The following KLF12 variants were observed in gnomAD, a reference collection of about 807,000 sequenced individuals.
KLF12 encodes KLF transcription factor 12.
Under a neutral mutation model 37.8 loss-of-function variants are expected in KLF12, and 9 were observed. The ratio of observed to expected loss-of-function variants is 0.24; its 90% CI spans 0.14 to 0.42. The LOEUF is 0.42. Ranked by LOEUF, KLF12 falls within the 10% of genes least tolerant of loss-of-function variation. The pLI is 1.00. For missense variants in KLF12, 411 were observed against 516.0 expected, an observed-to-expected ratio of 0.80 and a Z score of 1.97; for synonymous variants, 208 against 202.1, an observed-to-expected ratio of 1.03 and a Z score of -0.25.
At chr13:74,055,578 T>C (rs1244505782) in intron 1 of KLF12, among the ~76,000 whole-genome samples, 2 of 152,186 alleles carry the variant, frequency 1.3e-5, no homozygotes, top group East Asian at 3.9e-4. Flanking sequence ...ACAGTCAACC[T>C]TCCACAGTGT....
chr13:74,285,720 A>G, the KLF12 span, among the ~76,000 whole-genome samples: 1 of 152,232 alleles, frequency 6.6e-6, no homozygotes, highest in Non-Finnish European at 1.5e-5. Context: ...TTACATGACA[A>G]CATCCCTGAG....
At chr13:73,822,161 T>A (rs915255766) in intron 4 of KLF12, among the ~76,000 whole-genome samples, 12 of 152,228 alleles carry the variant, frequency 7.9e-5, no homozygotes, top group Non-Finnish European at 1.6e-4. Flanking sequence ...TCACATTTCA[T>A]TTAAAAAATT....
intron 1 of KLF12, among the ~76,000 whole-genome samples, chr13:74,129,090 T>C (rs1230787829): frequency 6.6e-6 from 1 of 152,174 alleles, no homozygotes; most frequent in African/African-American, 2.4e-5. Flanking sequence ...CAGGATCCCA[T>C]CCCACAGCAG....
chr13:74,107,537 CGTGT>C (rs774631427), intron 1 of KLF12, among the ~76,000 whole-genome samples: 3 of 152,292 alleles, frequency 2.0e-5, no homozygotes, highest in East Asian at 1.9e-4. Flanking sequence ...TCTCTCTCAC[CGTGT>C]GTGTATTTGT....
At chr13:73,795,664 C>A (rs765816385) in intron 5 of KLF12, among the ~76,000 whole-genome samples, 2 of 152,124 alleles carry the variant, frequency 1.3e-5, no homozygotes, top group Non-Finnish European at 1.5e-5. Flanking sequence ...GTACAGAAAT[C>A]TGAAAAGCAC....
chr13:74,133,743 A>G lies in KLF12; in HGVS notation c.-36T>C, dbSNP rs1878401877. The stretch of plus-strand genomic sequence containing the variant: ...AGAAACGGAATCGGCACAGACCTGA[A>G]CAGAAGCTGCAGAGCAGGAGAAATT... On this transcript the variant is annotated 5_prime_UTR_variant, in exon 1 of 8. Coordinates refer to ENST00000377669, the MANE Select transcript of KLF12 (RefSeq NM_007249.5). 6.6e-6 allele frequency among the ~76,000 whole-genome samples: 1 copy of G among 151,284 alleles called. No individual in the cohort carries two copies. Among genetic ancestry groups the G allele is most frequent in the South Asian group, 2.1e-4 (1 of 4,790 alleles).
intron 6 of KLF12, among the ~76,000 whole-genome samples, chr13:73,727,504 A>G (rs1367330107): frequency 2.0e-5 from 3 of 152,230 alleles, no homozygotes; most frequent in African/African-American, 7.2e-5. Flanking sequence ...CCAATTTACC[A>G]TAAATGTAAG....
intron 3 of KLF12, among the ~76,000 whole-genome samples, chr13:73,848,577 T>C (rs1247480123): frequency 1.3e-5 from 2 of 148,168 alleles, no homozygotes; most frequent in African/African-American, 2.5e-5. Context: ...ATAACATATA[T>C]ATAGCATATT....
chr13:74,011,288 A>C (rs533111792), intron 1 of KLF12, among the ~76,000 whole-genome samples: 5 of 152,176 alleles, frequency 3.3e-5, no homozygotes, highest in Admixed American at 3.3e-4. Context: ...AACAGTATAA[A>C]ATTTCTGTTC....
chr13:73,754,331 T>C (rs914672832), intron 6 of KLF12, among the ~76,000 whole-genome samples: 8 of 152,194 alleles, frequency 5.3e-5, no homozygotes, highest in African/African-American at 1.9e-4. Context: ...TTCTGGAGAC[T>C]GGTGCTGCTA....
chr13:73,780,574 A>G (rs761635650), intron 5 of KLF12, among the ~76,000 whole-genome samples: 3 of 151,908 alleles, frequency 2.0e-5, no homozygotes, highest in Non-Finnish European at 4.4e-5. Flanking sequence ...CCGCCGCCCA[A>G]GTTCAAGCGA....
intron 5 of KLF12, among the ~76,000 whole-genome samples, chr13:73,803,568 T>C (rs550762127): frequency 5.3e-5 from 8 of 152,284 alleles, no homozygotes; most frequent in Admixed American, 1.3e-4. Context: ...ATGCTTATTA[T>C]AGAATCATAT....
At chr13:74,221,703 T>C in the KLF12 span, among the ~76,000 whole-genome samples, 1 of 152,242 alleles carries the variant, frequency 6.6e-6, no homozygotes, top group Admixed American at 6.5e-5. Flanking sequence ...CTTCCTTTTA[T>C]ATTTAAGTGG....
chr13:74,058,215 C>T (rs902554422), intron 1 of KLF12, among the ~76,000 whole-genome samples: 1 of 151,998 alleles, frequency 6.6e-6, no homozygotes, highest in African/African-American at 2.4e-5. Flanking sequence ...GATCCACCCG[C>T]CTCGGACTCC....
the KLF12 span, among the ~76,000 whole-genome samples, chr13:74,203,052 C>T: frequency 2.6e-5 from 4 of 152,062 alleles, no homozygotes; most frequent in Non-Finnish European, 2.9e-5. Flanking sequence ...ATTAAACTCT[C>T]AGTTTTCTGG....
the KLF12 span, among the ~76,000 whole-genome samples, chr13:74,254,034 T>A: frequency 6.6e-6 from 1 of 152,364 alleles, no homozygotes; most frequent in East Asian, 1.9e-4. Context: ...TGGTTGTGTA[T>A]TTGTTTTCTA....
At chr13:74,015,153 A>C (rs1405934892) in intron 1 of KLF12, among the ~76,000 whole-genome samples, 1 of 152,200 alleles carries the variant, frequency 6.6e-6, no homozygotes, top group Non-Finnish European at 1.5e-5. Context: ...TTACTCTTCT[A>C]ATCTTTCTAG....
chr13:73,695,824 G>C (rs1268449325), intron 7 of KLF12, among the ~76,000 whole-genome samples, 153 bp from the exon 8 acceptor site: 1 of 152,160 alleles, frequency 6.6e-6, no homozygotes, highest in Non-Finnish European at 1.5e-5. Flanking sequence ...CAGCGGTCTG[G>C]GTCAGACAGG....
the KLF12 span, among the ~76,000 whole-genome samples, chr13:74,194,405 G>T: frequency 6.6e-6 from 1 of 152,214 alleles, no homozygotes; most frequent in Admixed American, 6.5e-5. Flanking sequence ...TCACAGTCGT[G>T]AAGGCTTGGA....
Sources: gnomAD v4.1 joint callset for allele counts (sites outside exome capture counted in the v4.1 genomes callset) on GRCh38, gnomAD v4.1.1 for gene constraint, MANE v1.5 for transcripts, NCBI Gene and HGNC (gene_info 2026-07-23, HGNC 2026-07-21) for gene names.